Variants in FNDC3A observed in about 807,000 individuals in gnomAD.
The protein encoded by FNDC3A is fibronectin type III domain containing 3A.
In FNDC3A, 32 loss-of-function variants were observed where a neutral mutation model predicts 148.9. The ratio of observed to expected loss-of-function variants is 0.21; its 90% CI spans 0.16 to 0.29. The LOEUF is 0.29. Ranked by LOEUF, FNDC3A falls within the 10% of genes least tolerant of loss-of-function variation. The pLI, the probability that FNDC3A is intolerant of heterozygous loss-of-function variation, is 1.00. For missense variants in FNDC3A, 1,191 were observed against 1,452.8 expected, an observed-to-expected ratio of 0.82 and a Z score of 2.93; for synonymous variants, 472 against 473.6, an observed-to-expected ratio of 1.00 and a Z score of 0.04.
intron 6 of FNDC3A, among the ~76,000 whole-genome samples, chr13:49,137,912 G>A (rs1006460025): frequency 6.6e-6 from 1 of 152,116 alleles, no homozygotes; most frequent in African/African-American, 2.4e-5. Flanking sequence ...ACCATGTCAG[G>A]TTCTAAAGGT....
rs535634899 is a variant in FNDC3A at position 49,187,478 on chromosome 13, C to T, written c.1825+288C>T. 6.0e-6 allele frequency: 9 copies of T among 1,488,470 alleles called. No homozygotes were observed. In the East Asian group the frequency reaches 2.0e-4, roughly 34 times the overall value. 92.2% of individuals were successfully genotyped at this position (1,488,470 alleles called of 1,614,324 possible). A position where few individuals can be genotyped will look rare whatever the true frequency, so the allele number is the denominator to read the frequency against. On this transcript the variant is annotated intron_variant, in intron 16 of 25. Coordinates refer to ENST00000492622, the MANE Select transcript of FNDC3A (RefSeq NM_001079673.2). The stretch of plus-strand genomic sequence containing the variant: ...CTGTTAATGGATGAACTGAAACATC[C>T]TTATGTTTTAAGTAGTTGTTGTCTT...
chr13:49,054,987 T>C (rs1433713251), intron 2 of FNDC3A, among the ~76,000 whole-genome samples: 1 of 152,244 alleles, frequency 6.6e-6, no homozygotes, highest in East Asian at 1.9e-4. Flanking sequence ...TTTCATTTTC[T>C]TTTTGAATTA....
intron 2 of FNDC3A, among the ~76,000 whole-genome samples, chr13:49,013,639 T>C (rs967465621): frequency 1.3e-5 from 2 of 150,384 alleles, no homozygotes; most frequent in Non-Finnish European, 1.5e-5. Context: ...CATGTATACA[T>C]GTACATGTGT....
intron 1 of FNDC3A, among the ~76,000 whole-genome samples, chr13:48,995,998 A>C (rs1952016768): frequency 6.6e-6 from 1 of 152,344 alleles, no homozygotes; most frequent in East Asian, 1.9e-4. Context: ...AGTACATTTT[A>C]GGATATCAGT....
chr13:49,128,970 C>T (rs183194437), intron 4 of FNDC3A, among the ~76,000 whole-genome samples: 2 of 152,250 alleles, frequency 1.3e-5, no homozygotes. Flanking sequence ...TTTCTCACAA[C>T]ACTTCTAATA....
chr13:49,147,226 A>G (rs1481347445), intron 8 of FNDC3A, among the ~76,000 whole-genome samples: 1 of 152,196 alleles, frequency 6.6e-6, no homozygotes, highest in African/African-American at 2.4e-5. Flanking sequence ...TTAGTTATAT[A>G]TGGCTGCTTA....
chr13:49,148,234 CT>C (rs1021198636), intron 8 of FNDC3A, among the ~76,000 whole-genome samples: 3 of 151,712 alleles, frequency 2.0e-5, no homozygotes, highest in Non-Finnish European at 4.4e-5. Flanking sequence ...CTCTATTTTT[CT>C]TTTTTTTGTT....
intron 1 of FNDC3A, among the ~76,000 whole-genome samples, chr13:48,989,956 T>C (rs1406082047): frequency 6.6e-6 from 1 of 152,116 alleles, no homozygotes; most frequent in African/African-American, 2.4e-5. Flanking sequence ...TTCACCATGT[T>C]GGCCAGGATG....
At chr13:49,087,969 A>T (rs1016910133) in intron 3 of FNDC3A, among the ~76,000 whole-genome samples, 1 of 152,084 alleles carries the variant, frequency 6.6e-6, no homozygotes, top group Non-Finnish European at 1.5e-5. Context: ...GATTTCTCAG[A>T]TATTTGCTTC....
intron 2 of FNDC3A, among the ~76,000 whole-genome samples, chr13:49,019,407 A>G (rs1432672307): frequency 2.0e-5 from 3 of 152,068 alleles, no homozygotes; most frequent in Non-Finnish European, 4.4e-5. Flanking sequence ...AGGAAAGGGA[A>G]CTCCCTGACC....
rs938558959 is a variant in FNDC3A at position 49,187,725 on chromosome 13, G to A, written c.1825+535G>A. On this transcript the variant is annotated intron_variant, in intron 16 of 25. Transcript: ENST00000492622. ...AGAAACCGAGGACGGATGAAATGGCGGCACCTCACCAAGACCTTTTTTTTT... is the reference window on the plus strand; with the variant it reads ...AGAAACCGAGGACGGATGAAATGGCAGCACCTCACCAAGACCTTTTTTTTT... 34 of 1,248,970 alleles carry A rather than the reference G, an allele frequency of 2.7e-5. No individual in the cohort carries two copies. In the African/African-American group the frequency reaches 4.6e-4, roughly 17 times the overall value. The allele number at this position is 1,248,970 out of a possible 1,614,324, so 77.4% of individuals were successfully genotyped here.
chr13:49,188,214 G>A (rs997638524), intron 16 of FNDC3A, among the ~76,000 whole-genome samples: 3 of 152,104 alleles, frequency 2.0e-5, no homozygotes. Flanking sequence ...ATGCTATAAC[G>A]TTATTACTGG....
At chr13:49,143,483 A>T (rs957541424) in intron 7 of FNDC3A, among the ~76,000 whole-genome samples, 2 of 152,328 alleles carry the variant, frequency 1.3e-5, no homozygotes, top group East Asian at 3.9e-4. Flanking sequence ...AGTTAAAAGT[A>T]TAGTTAAAAG....
At chr13:49,162,155 C>T (rs1353228121) in intron 8 of FNDC3A, among the ~76,000 whole-genome samples, 1 of 152,032 alleles carries the variant, frequency 6.6e-6, no homozygotes, top group African/African-American at 2.4e-5. Context: ...TGTTGGCCTG[C>T]CTTGCTAGGT....
chr13:49,133,197 T>C (rs550310203), intron 5 of FNDC3A, among the ~76,000 whole-genome samples: 50 of 152,350 alleles, frequency 3.3e-4, no homozygotes, highest in Non-Finnish European at 6.8e-4. Flanking sequence ...GAGATGTTCA[T>C]GCTGTGCTCC....
intron 2 of FNDC3A, among the ~76,000 whole-genome samples, chr13:49,041,800 C>T (rs1307384127): frequency 2.1e-5 from 3 of 140,190 alleles, no homozygotes; most frequent in African/African-American, 8.1e-5. Context: ...AACAACAAAG[C>T]GAGACTCTGT....
intron 1 of FNDC3A, among the ~76,000 whole-genome samples, chr13:49,001,983 C>A (rs533976724): frequency 6.6e-6 from 1 of 152,118 alleles, no homozygotes; most frequent in African/African-American, 2.4e-5. Context: ...GCTGGTTTTG[C>A]GGCTTGGGGG....
intron 3 of FNDC3A, among the ~76,000 whole-genome samples, chr13:49,107,045 T>C (rs1217751577): frequency 6.6e-6 from 1 of 152,156 alleles, no homozygotes; most frequent in East Asian, 1.9e-4. Context: ...AGTGATGGAT[T>C]AGATGGTGAA....
chr13:49,116,725 G>T (rs1326082351), intron 4 of FNDC3A, among the ~76,000 whole-genome samples: 1 of 151,274 alleles, frequency 6.6e-6, no homozygotes, highest in Admixed American at 6.6e-5. Context: ...GGCGGAGGTT[G>T]CAGTGAGCCG....
Sources: gnomAD v4.1 joint callset for allele counts (sites outside exome capture counted in the v4.1 genomes callset) on GRCh38, gnomAD v4.1.1 for gene constraint, MANE v1.5 for transcripts, NCBI Gene and HGNC (gene_info 2026-07-23, HGNC 2026-07-21) for gene names.